Variants in XPO6 observed in about 807,000 individuals in gnomAD.
The protein encoded by XPO6 is exportin-6.
Under a neutral mutation model 130.0 loss-of-function variants are expected in XPO6, and 3 were observed. The observed-to-expected ratio is 0.02, with a 90% CI of 0.01 to 0.06. The LOEUF (loss-of-function observed/expected upper bound fraction) is 0.06. Among genes scored for constraint, XPO6 ranks in the 10% least tolerant of loss-of-function variants. The pLI is 1.00. For synonymous variants in XPO6, 524 were observed against 548.9 expected (o/e 0.95, Z 0.63); for missense variants, 970 against 1,393.0 (o/e 0.70, Z 4.83).
intron 15 of XPO6, among the ~76,000 whole-genome samples, chr16:28,114,199 C>CA (rs71389524): frequency 0.36 from 35,154 of 97,660 alleles, 4,732 homozygotes; most frequent in Middle Eastern, 0.48. Flanking sequence ...TACATCCTCA[C>CA]AAAAAAAAAA....
At chr16:28,140,713 C>G (rs933590057) in intron 9 of XPO6, among the ~76,000 whole-genome samples, 10 of 150,896 alleles carry the variant, frequency 6.6e-5, no homozygotes, top group African/African-American at 1.7e-4. Flanking sequence ...AGGGATAAAG[C>G]TAAAGCAGGG....
At chr16:28,152,080 G>C (rs2043102770) in intron 8 of XPO6, among the ~76,000 whole-genome samples, 1 of 151,986 alleles carries the variant, frequency 6.6e-6, no homozygotes, top group African/African-American at 2.4e-5. Flanking sequence ...TTTTATGTGT[G>C]TGTGTGTGTA....
chr16:28,181,842 T>A lies in XPO6; in HGVS notation c.4-811A>T, dbSNP rs180897351. On this transcript the variant is annotated intron_variant, in intron 1 of 23. Transcript: ENST00000304658. ...CACAGGCCCACAGTGAGAGCCAGACTCTCAGCAGAACTGCTCAGGTTGGAA... is the reference window on the plus strand; with the variant it reads ...CACAGGCCCACAGTGAGAGCCAGACACTCAGCAGAACTGCTCAGGTTGGAA... Among the ~76,000 whole-genome samples, 3 of 152,210 alleles carry A rather than the reference T, an allele frequency of 2.0e-5. No homozygotes were observed. In the East Asian group the frequency reaches 5.8e-4, roughly 29 times the overall value.
At chr16:28,180,679 C>A in intron 2 of XPO6, among the ~76,000 whole-genome samples, 1 of 151,896 alleles carries the variant, frequency 6.6e-6, no homozygotes, top group South Asian at 2.1e-4. Context: ...CCACCCTAGA[C>A]GCCCCCACCA....
At position 28,098,486 on chromosome 16, in the gene XPO6, G is replaced by T; in HGVS notation, c.*52C>A. 1 of 1,501,506 alleles carries T rather than the reference G, an allele frequency of 6.7e-7. No individual in the cohort carries two copies. The allele number at this position is 1,501,506 out of a possible 1,614,324, so 93.0% of individuals were successfully genotyped here. On this transcript the variant is annotated 3_prime_UTR_variant, in exon 24 of 24. Transcript: ENST00000304658. ...GGGAGACATCTGTGGTGGAAGGTAG[G>T]GCTGGCGCAGGTGGCAGCAGCAGAA...
intron 8 of XPO6, 107 bp downstream of exon 8, chr16:28,152,552 T>C: frequency 7.4e-7 from 1 of 1,349,256 alleles, no homozygotes. Context: ...TAATAAGCAT[T>C]ATATTAATGT....
intron 6 of XPO6, among the ~76,000 whole-genome samples, chr16:28,164,337 CA>C (rs2141841373): frequency 6.6e-6 from 1 of 152,308 alleles, no homozygotes; most frequent in South Asian, 2.1e-4. Flanking sequence ...CTTAAGCGCA[CA>C]AAGACAGTTG....
intron 13 of XPO6, among the ~76,000 whole-genome samples, chr16:28,122,883 G>C (rs923924478): frequency 6.6e-6 from 1 of 152,046 alleles, no homozygotes; most frequent in Non-Finnish European, 1.5e-5. Flanking sequence ...ATTTGAAAAT[G>C]TTTGATAAAA....
chr16:28,107,667 A>G lies in XPO6; in HGVS notation c.2352T>C (p.Ile784=). ...RKMPLDDTKL[I]IHQTLSVLED... ...CTAAGACGCTGAGTGTCTGGTGGATAATCAGTTTGGCTGCAAATCAAGATG... is the reference window on the plus strand; with the variant it reads ...CTAAGACGCTGAGTGTCTGGTGGATGATCAGTTTGGCTGCAAATCAAGATG... The change falls in exon 18 of 24, where the codon ATT becomes ATC. Residue 784 remains isoleucine (I), a synonymous_variant. Coordinates refer to ENST00000304658, the MANE Select transcript of XPO6 (RefSeq NM_015171.4). 6.2e-7 allele frequency: 1 copy of G among 1,613,876 alleles called. No individual in the cohort carries two copies. Among genetic ancestry groups the G allele is most frequent in the Non-Finnish European group, 8.5e-7 (1 of 1,179,954 alleles).
Position 28,103,141 on chromosome 16 carries a change from C to T in XPO6, c.2947-1196G>A, listed in dbSNP as rs116133922. ...GACAGGACACTTCCATCACCTGGAA[C>T]GTCCCCTCACACCCTCACCCCTAAG... On this transcript the variant is annotated intron_variant, in intron 21 of 23. Coordinates refer to ENST00000304658, the MANE Select transcript of XPO6 (RefSeq NM_015171.4). 4.5e-3 allele frequency among the ~76,000 whole-genome samples: 688 copies of T among 152,260 alleles called. 7 individuals are homozygous for T. The highest frequency in any genetic ancestry group is 0.016 in the African/African-American group (667 of 41,538).
At chr16:28,208,139 C>T (rs1206689314) in intron 1 of XPO6, among the ~76,000 whole-genome samples, 5 of 152,052 alleles carry the variant, frequency 3.3e-5, no homozygotes, top group African/African-American at 4.8e-5. Context: ...GAGCGAGACT[C>T]CGTCTCAAAA....
intron 2 of XPO6, among the ~76,000 whole-genome samples, chr16:28,180,082 A>G (rs1225007611): frequency 1.3e-5 from 2 of 152,186 alleles, no homozygotes; most frequent in African/African-American, 4.8e-5. Context: ...ATCGAAGACT[A>G]ATGGCCAGGC....
intron 23 of XPO6, 61 bp from the exon 24 acceptor site, chr16:28,098,700 C>A: frequency 7.9e-7 from 1 of 1,273,734 alleles, no homozygotes. Context: ...CACCAGACCC[C>A]AACAGCTACT....
intron 14 of XPO6, among the ~76,000 whole-genome samples, chr16:28,118,864 C>T (rs1361915292): frequency 6.6e-6 from 1 of 152,132 alleles, no homozygotes; most frequent in Non-Finnish European, 1.5e-5. Flanking sequence ...AACATCACCC[C>T]CCCAGACTTG....
Position 28,098,559 on chromosome 16 carries a change from G to C in XPO6, c.3357C>G (p.Pro1119=). The C allele has an allele frequency of 1.2e-6, 2 of 1,612,524 alleles. No homozygotes were observed. The highest frequency in any genetic ancestry group is 1.7e-6 in the Non-Finnish European group (2 of 1,179,042). Residue 1119 remains proline, a synonymous_variant, in exon 24 of 24, where the codon CCC becomes CCG. Coordinates refer to ENST00000304658, the MANE Select transcript of XPO6 (RefSeq NM_015171.4). The part of the protein sequence containing the change: ...RYYRLCNDSL[P]PGTVKL ...AGGCCTAGAGCTTCACAGTGCCAGG[G>C]GGCAGGCTGTCGTTGCAGAGTCTGT...
At position 28,155,929 on chromosome 16, in the gene XPO6, T is replaced by C. The variant is rs1339510326; in HGVS notation, c.1097+145A>G. ...AAGCCCTTCCAGCTAATCTCAGACT[T>C]ACTGGCACACACCTACCTTTCTGTT... On this transcript the variant is annotated intron_variant, in intron 7 of 23. Coordinates refer to ENST00000304658, the MANE Select transcript of XPO6 (RefSeq NM_015171.4). The C allele has an allele frequency of 4.9e-6, 7 of 1,421,702 alleles. No homozygotes were observed. In the African/African-American group the frequency reaches 7.2e-5, roughly 15 times the overall value. The allele number at this position is 1,421,702 out of a possible 1,614,324, so 88.1% of individuals were successfully genotyped here.
At chr16:28,200,148 C>T (rs1263604572) in intron 1 of XPO6, among the ~76,000 whole-genome samples, 1 of 134,912 alleles carries the variant, frequency 7.4e-6, no homozygotes, top group African/African-American at 3.1e-5. Flanking sequence ...CAGAGGGAGA[C>T]TCTATCTCAA....
chr16:28,171,777 G>A (rs1036985651), intron 4 of XPO6, among the ~76,000 whole-genome samples: 7 of 152,204 alleles, frequency 4.6e-5, no homozygotes, highest in African/African-American at 1.7e-4. Context: ...ATCATGCAGT[G>A]TAGGGAGGAC....
intron 1 of XPO6, among the ~76,000 whole-genome samples, chr16:28,205,633 T>G (rs9940721): frequency 0.29 from 43,550 of 152,016 alleles, 6,348 homozygotes; most frequent in Middle Eastern, 0.33. Flanking sequence ...AGGGGCAGTA[T>G]TAAATATTAC....
Sources: allele counts gnomAD v4.1 joint callset (sites outside exome capture counted in the v4.1 genomes callset), GRCh38; gene constraint gnomAD v4.1.1; transcripts MANE v1.5; gene names NCBI Gene and HGNC (gene_info 2026-07-23, HGNC 2026-07-21).